The following RIPK2 variants were observed in gnomAD, a reference collection of about 807,000 sequenced individuals.
The protein encoded by RIPK2 is receptor interacting serine/threonine kinase 2.
A neutral mutation model predicts 60.9 loss-of-function variants in RIPK2; 38 were observed. That is an observed-to-expected ratio of 0.62 (90% CI 0.48 to 0.82). The LOEUF (loss-of-function observed/expected upper bound fraction) is 0.82, where lower values mean the gene tolerates loss of function less well. RIPK2 is among the 40% of genes least tolerant of loss of function. The probability of loss-of-function intolerance (pLI) is 0.00; values close to 1 mark genes in which losing one functional copy is unlikely to be tolerated. For missense variants in RIPK2, 518 were observed against 647.0 expected, an observed-to-expected ratio of 0.80 and a Z score of 2.16; for synonymous variants, 225 against 223.4, an observed-to-expected ratio of 1.01 and a Z score of -0.06.
At chr8:89,776,856 A>T (rs1488989454) in intron 6 of RIPK2, among the ~76,000 whole-genome samples, 3 of 152,204 alleles carry the variant, frequency 2.0e-5, no homozygotes, top group Non-Finnish European at 4.4e-5. Flanking sequence ...GAAACAACCA[A>T]AAAACCTAGA....
intron 1 of RIPK2, among the ~76,000 whole-genome samples, chr8:89,761,132 G>A (rs764793058): frequency 1.6e-4 from 25 of 152,106 alleles, no homozygotes; most frequent in Non-Finnish European, 2.8e-4. Flanking sequence ...AATAAATGAC[G>A]AAGATTCTTT....
chr8:89,770,771 C>G (rs1235982787), intron 4 of RIPK2, among the ~76,000 whole-genome samples: 1 of 151,822 alleles, frequency 6.6e-6, no homozygotes, highest in Non-Finnish European at 1.5e-5. Flanking sequence ...TCTTCAAAAG[C>G]ATTTTAATTT....
rs1809659134 is a variant in RIPK2, at chr8:89,790,465, C to G, written c.*49C>G. ...GTGTTTCATAAAAGGATATTTATAT[C>G]TCTGTTGCTTTGACTTTTTTTATAT... On this transcript the variant is annotated 3_prime_UTR_variant, in exon 11 of 11. Coordinates refer to ENST00000220751, the MANE Select transcript of RIPK2 (RefSeq NM_003821.6). 7.4e-7 allele frequency: 1 copy of G among 1,348,722 alleles called. No homozygotes were observed. The highest frequency in any genetic ancestry group is 1.4e-5 in the South Asian group (1 of 69,278). The allele number at this position is 1,348,722 out of a possible 1,614,324, so 83.5% of individuals were successfully genotyped here.
rs567345103 is a variant in RIPK2 at position 89,762,932 on chromosome 8, A to G, written c.277A>G (p.Ile93Val). 1.9e-6 allele frequency: 3 copies of G among 1,543,054 alleles called. No homozygotes were observed. The highest frequency in any genetic ancestry group is 1.3e-5 in the South Asian group (1 of 76,850). The change falls in exon 2 of 11, where the codon ATA becomes GTA. Residue 93 changes from isoleucine (I) to valine (V), a missense_variant. By Grantham distance (29) the Ile-to-Val change is conservative (BLOSUM62 3). This residue lies in a region of RIPK2 where 448 missense variants were observed against 534.7 expected (regional missense o/e 0.84). Coordinates refer to ENST00000220751, the MANE Select transcript of RIPK2 (RefSeq NM_003821.6). ...TTGCAATGAGCCTGAATTTTTGGGAATAGTTACTGAATACATGCCAAATGG... is the reference window on the plus strand; with the variant it reads ...TTGCAATGAGCCTGAATTTTTGGGAGTAGTTACTGAATACATGCCAAATGG... ...GICNEPEFLGIVTEYMPNGSL... is the reference protein window; with the variant it reads ...GICNEPEFLGVVTEYMPNGSL...
intron 7 of RIPK2, among the ~76,000 whole-genome samples, chr8:89,781,429 G>A (rs954546319): frequency 1.3e-5 from 2 of 150,780 alleles, no homozygotes; most frequent in African/African-American, 4.9e-5. Flanking sequence ...TGCCATGACA[G>A]GATCATAGCT....
chr8:89,785,373 G>A (rs1379719630), intron 8 of RIPK2, among the ~76,000 whole-genome samples: 1 of 152,018 alleles, frequency 6.6e-6, no homozygotes, highest in Non-Finnish European at 1.5e-5. Context: ...TACTCGGGGG[G>A]TTGAGGCAGG....
chr8:89,759,426 A>G (rs1401144515), intron 1 of RIPK2: 1 of 455,844 alleles, frequency 2.2e-6, no homozygotes, highest in Non-Finnish European at 4.4e-6. Context: ...GTCATCCCCG[A>G]TGCCTGATTG....
At chr8:89,774,024 A>G (rs1412969031) in intron 6 of RIPK2, among the ~76,000 whole-genome samples, 1 of 152,036 alleles carries the variant, frequency 6.6e-6, no homozygotes, top group African/African-American at 2.4e-5. Flanking sequence ...AGGATGTGTA[A>G]TAGTGCACTG....
At chr8:89,773,095 A>T (rs1157892707) in intron 6 of RIPK2, among the ~76,000 whole-genome samples, 1 of 152,160 alleles carries the variant, frequency 6.6e-6, no homozygotes, top group South Asian at 2.1e-4. Flanking sequence ...ACCATGTGCT[A>T]TGTATATACT....
chr8:89,788,327 A>G (rs1472575239), intron 9 of RIPK2, among the ~76,000 whole-genome samples: 1 of 151,786 alleles, frequency 6.6e-6, no homozygotes, highest in Admixed American at 6.6e-5. Context: ...TGAGTGACAG[A>G]GCAAGATTCT....
intron 6 of RIPK2, among the ~76,000 whole-genome samples, chr8:89,779,010 T>TA (rs1188505866): frequency 2.0e-5 from 3 of 152,232 alleles, no homozygotes; most frequent in Non-Finnish European, 4.4e-5. Flanking sequence ...TATGGAGTGA[T>TA]ATCTCATTGC....
At chr8:89,768,282 A>C (rs1809260820) in intron 3 of RIPK2, among the ~76,000 whole-genome samples, 1 of 146,650 alleles carries the variant, frequency 6.8e-6, no homozygotes, top group Non-Finnish European at 1.5e-5. Flanking sequence ...AGATTGGAGC[A>C]ATTGCTTCAG....
chr8:89,776,013 G>A (rs1379452923), intron 6 of RIPK2, among the ~76,000 whole-genome samples: 2 of 152,150 alleles, frequency 1.3e-5, no homozygotes, highest in African/African-American at 4.8e-5. Flanking sequence ...AATGGGCTTA[G>A]TAGCATTTTA....
intron 8 of RIPK2, among the ~76,000 whole-genome samples, chr8:89,786,255 C>T (rs1321074568): frequency 2.0e-5 from 3 of 152,150 alleles, no homozygotes; most frequent in African/African-American, 7.2e-5. Flanking sequence ...TGGTGGATCA[C>T]TTGATCGCAG....
At chr8:89,781,354 AT>A (rs58525879) in intron 7 of RIPK2, among the ~76,000 whole-genome samples, 62 of 144,020 alleles carry the variant, frequency 4.3e-4, no homozygotes, top group Admixed American at 1.2e-3. Flanking sequence ...AATAGATTGA[AT>A]TTTTTTTTTT....
At chr8:89,764,709 A>G (rs1186758845) in intron 2 of RIPK2, among the ~76,000 whole-genome samples, 1 of 152,130 alleles carries the variant, frequency 6.6e-6, no homozygotes, top group Non-Finnish European at 1.5e-5. Flanking sequence ...AGAAACAAAA[A>G]TGAGTGTCCC....
At chr8:89,779,211 A>G (rs1809451663) in intron 6 of RIPK2, among the ~76,000 whole-genome samples, 1 of 149,976 alleles carries the variant, frequency 6.7e-6, no homozygotes. Flanking sequence ...GTGGAAATAT[A>G]GTGTGCAAGG....
chr8:89,778,881 G>A (rs986302485), intron 6 of RIPK2, among the ~76,000 whole-genome samples: 13 of 152,136 alleles, frequency 8.5e-5, no homozygotes, highest in African/African-American at 3.1e-4. Context: ...TTAAGAAACT[G>A]CAAGCTGTTT....
chr8:89,785,704 T>G (rs988213459), intron 8 of RIPK2, among the ~76,000 whole-genome samples: 1 of 152,314 alleles, frequency 6.6e-6, no homozygotes, highest in Non-Finnish European at 1.5e-5. Flanking sequence ...CCTTAAAGCA[T>G]AGTATATCAC....
Sources: allele counts gnomAD v4.1 joint callset (sites outside exome capture counted in the v4.1 genomes callset), GRCh38; gene constraint gnomAD v4.1.1; regional missense constraint gnomAD v4.1.1; transcripts MANE v1.5; gene names NCBI Gene and HGNC (gene_info 2026-07-23, HGNC 2026-07-21).